Variants in CTNNA3 observed in about 807,000 individuals in gnomAD.
The protein encoded by CTNNA3 is catenin alpha 3.
Under a neutral mutation model 95.7 loss-of-function variants are expected in CTNNA3, and 76 were observed. The ratio of observed to expected loss-of-function variants is 0.79; its 90% CI spans 0.66 to 0.96. The LOEUF (loss-of-function observed/expected upper bound fraction) is 0.96. Ranked by LOEUF, CTNNA3 falls within the 40% of genes least tolerant of loss-of-function variation. The pLI, the probability that CTNNA3 is intolerant of heterozygous loss-of-function variation, is 0.00. For synonymous variants in CTNNA3, 431 were observed against 374.4 expected, an observed-to-expected ratio of 1.15 and a Z score of -1.74; for missense variants, 1,191 against 1,089.8, an observed-to-expected ratio of 1.09 and a Z score of -1.31.
intron 2 of CTNNA3, among the ~76,000 whole-genome samples, chr10:67,641,207 G>A (rs1839520243): frequency 6.6e-6 from 1 of 152,102 alleles, no homozygotes; most frequent in South Asian, 2.1e-4. Context: ...GATATGAACA[G>A]ACACTTCTCA....
chr10:67,066,829 G>A (rs1347571064), intron 7 of CTNNA3, among the ~76,000 whole-genome samples: 1 of 152,156 alleles, frequency 6.6e-6, no homozygotes, highest in Admixed American at 6.5e-5. Context: ...AGAAGGAAAT[G>A]TAAATAGTGA....
chr10:66,333,626 G>T (rs865976681), intron 12 of CTNNA3, among the ~76,000 whole-genome samples: 1 of 151,922 alleles, frequency 6.6e-6, no homozygotes, highest in African/African-American at 2.4e-5. Context: ...TTTTACATTT[G>T]CTGAGGAGTG....
intron 9 of CTNNA3, among the ~76,000 whole-genome samples, chr10:66,652,364 T>A (rs1459698173): frequency 1.3e-5 from 2 of 152,124 alleles, no homozygotes; most frequent in African/African-American, 4.8e-5. Flanking sequence ...CTATTATGAA[T>A]AATTATATTT....
intron 9 of CTNNA3, among the ~76,000 whole-genome samples, chr10:66,738,699 A>G (rs768502312): frequency 5.3e-5 from 8 of 152,030 alleles, no homozygotes; most frequent in Non-Finnish European, 1.2e-4. Context: ...CTCCATCACT[A>G]TTTCCCTGTG....
chr10:66,687,291 C>T (rs553176526), intron 9 of CTNNA3, among the ~76,000 whole-genome samples: 147 of 152,060 alleles, frequency 9.7e-4, no homozygotes, highest in Middle Eastern at 3.4e-3. Context: ...TATATGTTGT[C>T]CTTCACCAAG....
intron 7 of CTNNA3, among the ~76,000 whole-genome samples, chr10:66,918,695 T>C (rs1846621841): frequency 6.6e-6 from 1 of 152,194 alleles, no homozygotes; most frequent in Admixed American, 6.5e-5. Context: ...TTTTCTAAGA[T>C]CTTGATACGA....
intron 7 of CTNNA3, among the ~76,000 whole-genome samples, chr10:66,946,722 C>G (rs922252910): frequency 6.6e-6 from 1 of 152,082 alleles, no homozygotes; most frequent in Non-Finnish European, 1.5e-5. Context: ...AGTTGTAGAA[C>G]TACATATTTC....
At position 66,337,078 on chromosome 10, in the gene CTNNA3, T is replaced by C. The variant is rs374856890; in HGVS notation, c.1732+42074A>G. The stretch of plus-strand genomic sequence containing the variant: ...TGTAAAAAAATGCTACTCTTCTCAT[T>C]ATTTTGTTTCTAAACATATATTTAT... On this transcript the variant is annotated intron_variant, in intron 12 of 17. Transcript: ENST00000433211. Among the ~76,000 whole-genome samples the C allele has an allele frequency of 4.0e-4, 61 of 152,254 alleles. 1 individual carries two copies. The South Asian group carries it at 0.012, about 31-fold the overall frequency.
intron 5 of CTNNA3, among the ~76,000 whole-genome samples, chr10:67,514,305 AAAAAT>A (rs1839738580): frequency 6.6e-6 from 1 of 152,202 alleles, no homozygotes; most frequent in Non-Finnish European, 1.5e-5. Flanking sequence ...CTCAAACATA[AAAAAT>A]AAAATAAAAT....
At chr10:66,003,857 T>C (rs957093013) in intron 15 of CTNNA3, among the ~76,000 whole-genome samples, 2 of 152,216 alleles carry the variant, frequency 1.3e-5, no homozygotes, top group Non-Finnish European at 2.9e-5. Flanking sequence ...CACTGCTGCA[T>C]AGAACTGCAC....
chr10:67,622,211 C>G (rs1843869341), intron 2 of CTNNA3, among the ~76,000 whole-genome samples: 1 of 152,178 alleles, frequency 6.6e-6, no homozygotes, highest in Non-Finnish European at 1.5e-5. Context: ...ACAATTGCTT[C>G]TATCAATCTA....
intron 3 of CTNNA3, among the ~76,000 whole-genome samples, chr10:67,599,334 A>G (rs1202491444): frequency 2.0e-5 from 3 of 152,202 alleles, no homozygotes; most frequent in South Asian, 4.1e-4. Context: ...TCTATTTTCT[A>G]TGCTGTCAAG....
chr10:67,161,687 T>C (rs1057020645), intron 7 of CTNNA3, among the ~76,000 whole-genome samples: 4 of 151,984 alleles, frequency 2.6e-5, no homozygotes, highest in African/African-American at 9.7e-5. Context: ...CCTTACCACA[T>C]CAATAATTAC....
At chr10:66,260,716 T>G (rs2132099334) in intron 13 of CTNNA3, among the ~76,000 whole-genome samples, 1 of 152,250 alleles carries the variant, frequency 6.6e-6, no homozygotes, top group South Asian at 2.1e-4. Context: ...CTTGTAAAAG[T>G]GTATGCAATG....
intron 1 of CTNNA3, among the ~76,000 whole-genome samples, chr10:67,707,687 A>T (rs2133608673): frequency 6.6e-6 from 1 of 152,294 alleles, no homozygotes; most frequent in Non-Finnish European, 1.5e-5. Flanking sequence ...GTATAATACA[A>T]GGTAAGCATC....
chr10:67,339,893 C>T (rs1185886854), intron 5 of CTNNA3, among the ~76,000 whole-genome samples: 2 of 152,072 alleles, frequency 1.3e-5, no homozygotes, highest in Admixed American at 6.6e-5. Flanking sequence ...GATGTTTATT[C>T]CTTATGCCAA....
chr10:67,688,249 C>T (rs1401259899), intron 1 of CTNNA3, among the ~76,000 whole-genome samples: 2 of 152,092 alleles, frequency 1.3e-5, no homozygotes, highest in Non-Finnish European at 2.9e-5. Context: ...CCTCCCCCTA[C>T]AGCTTGAAGG....
intron 9 of CTNNA3, among the ~76,000 whole-genome samples, chr10:66,633,495 A>T (rs1845221703): frequency 1.3e-5 from 2 of 152,026 alleles, no homozygotes; most frequent in African/African-American, 4.8e-5. Flanking sequence ...CCTGGCTAAC[A>T]TGGTGAAACC....
At chr10:67,584,011 C>T (rs922007547) in intron 3 of CTNNA3, among the ~76,000 whole-genome samples, 3 of 152,128 alleles carry the variant, frequency 2.0e-5, no homozygotes, top group Non-Finnish European at 4.4e-5. Flanking sequence ...TGAACATCCT[C>T]CTTTAGCTTG....
Sources: gnomAD v4.1 joint callset for allele counts (sites outside exome capture counted in the v4.1 genomes callset) on GRCh38, gnomAD v4.1.1 for gene constraint, MANE v1.5 for transcripts, NCBI Gene and HGNC (gene_info 2026-07-23, HGNC 2026-07-21) for gene names.